THRSP: variants seen among roughly 807,000 people sequenced by gnomAD.
THRSP encodes thyroid hormone responsive.
In THRSP, 9 loss-of-function variants were observed where a neutral mutation model predicts 11.1. That is an observed-to-expected ratio of 0.81 (90% CI 0.49 to 1.42). The LOEUF (loss-of-function observed/expected upper bound fraction) is 1.42, where lower values mean the gene tolerates loss of function less well. Among genes scored for constraint, THRSP ranks in the 40% most tolerant of loss-of-function variants. The probability of loss-of-function intolerance (pLI) is 0.00; values close to 1 mark genes in which losing one functional copy is unlikely to be tolerated. For missense variants in THRSP, 177 were observed against 188.2 expected, an observed-to-expected ratio of 0.94 and a Z score of 0.35; for synonymous variants, 73 against 78.1, an observed-to-expected ratio of 0.94 and a Z score of 0.34.
chr11:78,066,445 A>G (rs912415072), intron 1 of THRSP, among the ~76,000 whole-genome samples: 9 of 152,168 alleles, frequency 5.9e-5, no homozygotes, highest in Non-Finnish European at 8.8e-5. Context: ...GATTACAGGC[A>G]TGAGCCACCG....
chr11:78,064,163 G>A lies in THRSP; in HGVS notation c.282G>A (p.Glu94=). 1 of 1,614,196 alleles carries A rather than the reference G, an allele frequency of 6.2e-7. No homozygotes were observed. The highest frequency in any genetic ancestry group is 1.1e-5 in the South Asian group (1 of 91,080). ...VAGSEENGTA[E]TEEVEDESAS... ...GCAGCGAAGAGAATGGAACCGCAGA[G>A]ACAGAGGAAGTCGAGGACGAGAGTG... The change falls in exon 1 of 2, where the codon GAG becomes GAA. Residue 94 remains glutamate, a synonymous_variant. Coordinates refer to ENST00000281030, the MANE Select transcript of THRSP (RefSeq NM_003251.4).
At chr11:78,065,132 T>C (rs180715980) in intron 1 of THRSP, among the ~76,000 whole-genome samples, 1 of 152,010 alleles carries the variant, frequency 6.6e-6, no homozygotes, top group South Asian at 2.1e-4. Context: ...GATACATAGG[T>C]GAGGCTGCTT....
chr11:78,064,476 G>A (rs962728216), intron 1 of THRSP, 135 bp downstream of exon 1: 10 of 746,670 alleles, frequency 1.3e-5, no homozygotes, highest in African/African-American at 1.2e-4. Flanking sequence ...AGGGTATTGG[G>A]ACCACAACCT....
At chr11:78,066,398 C>T (rs558901774) in intron 1 of THRSP, among the ~76,000 whole-genome samples, 22 of 152,292 alleles carry the variant, frequency 1.4e-4, no homozygotes, top group African/African-American at 4.6e-4. Context: ...AACTCCTGAC[C>T]TCGTGATCCA....
chr11:78,068,105 A>G lies in THRSP; in HGVS notation c.*466A>G, dbSNP rs1233096326. ...TCTACCTCACAAGCTTATGAAAACT[A>G]AACATGATGAATCAAAAGCACTTGG... On this transcript the variant is annotated 3_prime_UTR_variant, in exon 2 of 2. Transcript: ENST00000281030. 1.3e-5 allele frequency: 2 copies of G among 152,200 alleles called. No individual in the cohort carries two copies. The highest frequency in any genetic ancestry group is 2.4e-5 in the African/African-American group (1 of 41,444). The allele number at this position is 152,200 out of a possible 1,614,324, so 9.4% of individuals were successfully genotyped here.
At chr11:78,064,874 A>G (rs1440344087) in intron 1 of THRSP, among the ~76,000 whole-genome samples, 1 of 151,790 alleles carries the variant, frequency 6.6e-6, no homozygotes, top group South Asian at 2.1e-4. Flanking sequence ...CTGTAGTCCC[A>G]GCTACTCGGG....
rs202058028 is a variant in THRSP, at chr11:78,066,163, TC to T, written c.*20-1488del. ...TATCCATTATCTAATGGAATTATCA[TC>T]CCCCCCCACCTTTTTAAATTTTGAG... On this transcript the variant is annotated intron_variant, in intron 1 of 1. Coordinates refer to ENST00000281030, the MANE Select transcript of THRSP (RefSeq NM_003251.4). Among the ~76,000 whole-genome samples, 106 of 152,028 alleles carry T rather than the reference TC, an allele frequency of 7.0e-4. 1 individual carries two copies. The East Asian group carries it at 0.015, about 22-fold the overall frequency.
At chr11:78,064,367 TGA>T in intron 1 of THRSP, 26 bp downstream of exon 1, 1 of 1,555,988 alleles carries the variant, frequency 6.4e-7, no homozygotes, top group Non-Finnish European at 8.7e-7. Context: ...CTGGTGGGTG[TGA>T]GTCTACAAAG....
chr11:78,066,951 G>C (rs544983096), intron 1 of THRSP, among the ~76,000 whole-genome samples: 1 of 150,994 alleles, frequency 6.6e-6, no homozygotes, highest in South Asian at 2.1e-4. Context: ...TCAGCCACCC[G>C]AGTAGTTGGG....
At chr11:78,065,321 C>T (rs1351463029) in intron 1 of THRSP, among the ~76,000 whole-genome samples, 2 of 152,068 alleles carry the variant, frequency 1.3e-5, no homozygotes, top group Non-Finnish European at 2.9e-5. Flanking sequence ...CAGTCTAAGC[C>T]TACATGTCTA....
chr11:78,067,249 G>A (rs1858784809), intron 1 of THRSP, among the ~76,000 whole-genome samples: 1 of 151,714 alleles, frequency 6.6e-6, no homozygotes, highest in Non-Finnish European at 1.5e-5. Flanking sequence ...AGCCTCCCGA[G>A]TAGCTGGGAT....
chr11:78,064,664 TGAATG>T (rs1858680711), intron 1 of THRSP, among the ~76,000 whole-genome samples: 1 of 151,730 alleles, frequency 6.6e-6, no homozygotes, highest in Non-Finnish European at 1.5e-5. Context: ...ATGTGTGAAT[TGAATG>T]AGTGTGTTCT....
intron 1 of THRSP, among the ~76,000 whole-genome samples, chr11:78,066,207 C>A (rs1858734207): frequency 6.6e-6 from 1 of 152,208 alleles, no homozygotes; most frequent in South Asian, 2.1e-4. Context: ...CTCACCCTGT[C>A]CCCCAGGTTG....
chr11:78,066,864 A>G (rs1205498269), intron 1 of THRSP, among the ~76,000 whole-genome samples: 2 of 151,418 alleles, frequency 1.3e-5, no homozygotes, highest in East Asian at 2.0e-4. Flanking sequence ...GTCTCACCCT[A>G]TTGCCAGGCT....
At chr11:78,066,457 G>A (rs890074162) in intron 1 of THRSP, among the ~76,000 whole-genome samples, 1 of 152,054 alleles carries the variant, frequency 6.6e-6, no homozygotes, top group Admixed American at 6.5e-5. Flanking sequence ...GAGCCACCGC[G>A]CCCAGCCTAT....
At chr11:78,065,585 C>T (rs1270734027) in intron 1 of THRSP, among the ~76,000 whole-genome samples, 1 of 152,194 alleles carries the variant, frequency 6.6e-6, no homozygotes, top group Non-Finnish European at 1.5e-5. Flanking sequence ...TCAAAACCAC[C>T]TGATGCAGCT....
chr11:78,067,133 T>TA (rs371666560), intron 1 of THRSP, among the ~76,000 whole-genome samples: 4 of 143,818 alleles, frequency 2.8e-5, no homozygotes, highest in African/African-American at 1.0e-4. Flanking sequence ...CCTTTTTTTT[T>TA]TTTTTGAGAT....
rs1244726005 is a variant in THRSP at position 78,068,209 on chromosome 11, T to A, written c.*570T>A. 6.6e-6 allele frequency: 1 copy of A among 152,176 alleles called. No homozygotes were observed. Among genetic ancestry groups the A allele is most frequent in the Non-Finnish European group, 1.5e-5 (1 of 68,034 alleles). The allele number at this position is 152,176 out of a possible 1,614,324, so 9.4% of individuals were successfully genotyped here. A position where few individuals can be genotyped will look rare whatever the true frequency, so the allele number is the denominator to read the frequency against. ...TGTATTTGCTCTGGCCCTTGCTTTT[T>A]ACCCTCCAGAGCTAAGAGGTAGCAG... On this transcript the variant is annotated 3_prime_UTR_variant, in exon 2 of 2. Coordinates refer to ENST00000281030, the MANE Select transcript of THRSP (RefSeq NM_003251.4).
At position 78,068,271 on chromosome 11, in the gene THRSP, C is replaced by A. The variant is rs911883566; in HGVS notation, c.*632C>A. 1.3e-5 allele frequency: 2 copies of A among 151,938 alleles called. No individual in the cohort carries two copies. Among genetic ancestry groups the A allele is most frequent in the African/African-American group, 2.4e-5 (1 of 41,358 alleles). 9.4% of individuals were successfully genotyped at this position (151,938 alleles called of 1,614,324 possible). A position where few individuals can be genotyped will look rare whatever the true frequency, so the allele number is the denominator to read the frequency against. ...ATGAGTGATTCACCCTCTTACTTGG[C>A]GACCACTGATGAGATCAACAACAGG... is the stretch of plus-strand genomic sequence containing the variant. On this transcript the variant is annotated 3_prime_UTR_variant, in exon 2 of 2. Transcript: ENST00000281030.
Sources: allele counts gnomAD v4.1 joint callset (sites outside exome capture counted in the v4.1 genomes callset), GRCh38; gene constraint gnomAD v4.1.1; transcripts MANE v1.5; gene names NCBI Gene and HGNC (gene_info 2026-07-23, HGNC 2026-07-21).